DLG1: variants seen among roughly 807,000 people sequenced by gnomAD.
DLG1 encodes disks large homolog 1.
Under a neutral mutation model 123.4 loss-of-function variants are expected in DLG1, and 42 were observed. That is an observed-to-expected ratio of 0.34 (90% CI 0.27 to 0.44). The LOEUF is 0.44. DLG1 is among the 20% of genes least tolerant of loss of function. DLG1 has a pLI of 1.00. For synonymous variants in DLG1, 317 were observed against 356.2 expected, an observed-to-expected ratio of 0.89 and a Z score of 1.24; for missense variants, 942 against 1,082.6, an observed-to-expected ratio of 0.87 and a Z score of 1.82.
chr3:197,126,016 G>A (rs1173149091), intron 11 of DLG1, among the ~76,000 whole-genome samples: 1 of 152,166 alleles, frequency 6.6e-6, no homozygotes, highest in Non-Finnish European at 1.5e-5. Flanking sequence ...AACACAAACA[G>A]ATTGTTTATG....
At chr3:197,289,409 G>A (rs1773760940) in intron 3 of DLG1, among the ~76,000 whole-genome samples, 1 of 151,926 alleles carries the variant, frequency 6.6e-6, no homozygotes, top group Non-Finnish European at 1.5e-5. Context: ...TGAAGTAGGA[G>A]GTAACCTCTG....
chr3:197,297,371 T>C lies in DLG1; in HGVS notation c.-31-136A>G, dbSNP rs113649809. 1.8e-5 allele frequency: 26 copies of C among 1,460,058 alleles called. No individual in the cohort carries two copies. In the African/African-American group the frequency reaches 2.1e-4, roughly 12 times the overall value. 90.4% of individuals were successfully genotyped at this position (1,460,058 alleles called of 1,614,324 possible). A position where few individuals can be genotyped will look rare whatever the true frequency, so the allele number is the denominator to read the frequency against. ...GTTTTACCAAGTCAAAGAAAGAGTC[T>C]CAAAACGCAGCAGTTGTCTGTCAAC... is the stretch of plus-strand genomic sequence containing the variant. On this transcript the variant is annotated intron_variant, in intron 1 of 24. Transcript: ENST00000667157.
At chr3:197,167,770 T>A (rs1802149018) in intron 5 of DLG1, among the ~76,000 whole-genome samples, 1 of 152,180 alleles carries the variant, frequency 6.6e-6, no homozygotes, top group African/African-American at 2.4e-5. Flanking sequence ...TAGGCATACA[T>A]CTATGAAGCC....
chr3:197,141,385 AAGTT>A lies in DLG1; in HGVS notation c.589-1125_589-1122del, dbSNP rs143885735. On this transcript the variant is annotated intron_variant, in intron 7 of 24. Coordinates refer to ENST00000667157, the MANE Select transcript of DLG1 (RefSeq NM_001366207.1). ...AAAGATAAAAAATCAATAATATAAA[AAGTT>A]AGGAGACATCACAAACTACTATATT... Among the ~76,000 whole-genome samples the A allele has an allele frequency of 9.8e-3, 1,485 of 152,284 alleles. 16 individuals are homozygous for A. The highest frequency in any genetic ancestry group is 0.023 in the African/African-American group (956 of 41,554).
chr3:197,044,568 A>C lies in DLG1; in HGVS notation c.*55T>G. On this transcript the variant is annotated 3_prime_UTR_variant, in exon 25 of 25. Coordinates refer to ENST00000667157, the MANE Select transcript of DLG1 (RefSeq NM_001366207.1). ...AGAAAGACTCCAGAGGAAAGGGCAA[A>C]GAGATGCCAAAGAAAATGGAATTGT... 8.0e-7 allele frequency: 1 copy of C among 1,257,634 alleles called. No homozygotes were observed. The highest frequency in any genetic ancestry group is 1.2e-6 in the Non-Finnish European group (1 of 867,654). The allele number at this position is 1,257,634 out of a possible 1,614,324, so 77.9% of individuals were successfully genotyped here.
At chr3:197,290,207 A>T (rs1303529773) in intron 3 of DLG1, among the ~76,000 whole-genome samples, 2 of 152,228 alleles carry the variant, frequency 1.3e-5, no homozygotes, top group African/African-American at 4.8e-5. Context: ...CACGGGAAAA[A>T]AAGAAGGAAG....
chr3:197,105,941 T>C (rs1263773504), intron 13 of DLG1, among the ~76,000 whole-genome samples: 1 of 152,224 alleles, frequency 6.6e-6, no homozygotes, highest in Non-Finnish European at 1.5e-5. Flanking sequence ...ACTTGTTTTG[T>C]TGAGAACTAA....
chr3:197,242,646 A>C (rs1749546927), intron 4 of DLG1, among the ~76,000 whole-genome samples: 1 of 152,162 alleles, frequency 6.6e-6, no homozygotes, highest in South Asian at 2.1e-4. Context: ...CAAGAACTTC[A>C]AAAACGTATG....
intron 14 of DLG1, among the ~76,000 whole-genome samples, chr3:197,103,240 T>C (rs1450167403): frequency 6.6e-6 from 1 of 152,184 alleles, no homozygotes; most frequent in Non-Finnish European, 1.5e-5. Context: ...TTAGTTAATA[T>C]TAAGTGAAGT....
At chr3:197,057,527 T>C (rs1281127515) in intron 23 of DLG1, among the ~76,000 whole-genome samples, 4 of 152,370 alleles carry the variant, frequency 2.6e-5, no homozygotes, top group South Asian at 4.1e-4. Context: ...ACTATGATAC[T>C]ATCAACAGTT....
chr3:197,083,559 A>G (rs1221907753), intron 16 of DLG1, among the ~76,000 whole-genome samples: 4 of 152,178 alleles, frequency 2.6e-5, no homozygotes, highest in Non-Finnish European at 5.9e-5. Flanking sequence ...ACAGCACTTC[A>G]CAGGCCTTAG....
intron 4 of DLG1, among the ~76,000 whole-genome samples, chr3:197,211,312 T>C (rs1183375151): frequency 6.8e-5 from 10 of 146,330 alleles, no homozygotes; most frequent in Non-Finnish European, 1.5e-4. Context: ...ATCATCCTGA[T>C]ACCAAAACCT....
chr3:197,079,045 A>C (rs892710846), intron 17 of DLG1, among the ~76,000 whole-genome samples: 4 of 140,836 alleles, frequency 2.8e-5, no homozygotes, highest in Non-Finnish European at 6.2e-5. Context: ...TGAAGAACTT[A>C]TTAAAAGTGA....
intron 5 of DLG1, among the ~76,000 whole-genome samples, chr3:197,170,673 T>G (rs1386343369): frequency 6.6e-6 from 1 of 152,190 alleles, no homozygotes; most frequent in Non-Finnish European, 1.5e-5. Context: ...AAAATTTTCT[T>G]CCATTCTGTA....
At chr3:197,220,579 A>G (rs1030053986) in intron 4 of DLG1, among the ~76,000 whole-genome samples, 3 of 152,196 alleles carry the variant, frequency 2.0e-5, no homozygotes, top group Admixed American at 6.5e-5. Flanking sequence ...ATGCTAATAG[A>G]AACTATTTCC....
At chr3:197,129,978 C>A (rs980694151) in intron 11 of DLG1, among the ~76,000 whole-genome samples, 1 of 151,894 alleles carries the variant, frequency 6.6e-6, no homozygotes, top group Non-Finnish European at 1.5e-5. Context: ...TGAAATATTG[C>A]GAGATTTACC....
chr3:197,111,457 C>A (rs545730239), intron 13 of DLG1, among the ~76,000 whole-genome samples: 13 of 152,220 alleles, frequency 8.5e-5, no homozygotes, highest in African/African-American at 2.9e-4. Flanking sequence ...ATTTTATTTC[C>A]CTAAATAACT....
At chr3:197,100,145 C>A (rs999809387) in intron 14 of DLG1, among the ~76,000 whole-genome samples, 1 of 152,194 alleles carries the variant, frequency 6.6e-6, no homozygotes, top group East Asian at 1.9e-4. Context: ...AATTACCTAT[C>A]TACTACTGAA....
chr3:197,198,668 T>A (rs574567733), intron 4 of DLG1, among the ~76,000 whole-genome samples: 3 of 151,998 alleles, frequency 2.0e-5, no homozygotes, highest in African/African-American at 7.2e-5. Context: ...AATAAGCACA[T>A]GGAAAGATGT....
Sources: allele counts gnomAD v4.1 joint callset (sites outside exome capture counted in the v4.1 genomes callset), GRCh38; gene constraint gnomAD v4.1.1; transcripts MANE v1.5; gene names NCBI Gene and HGNC (gene_info 2026-07-23, HGNC 2026-07-21).